PDE4D: variants seen among roughly 807,000 people sequenced by gnomAD.
PDE4D encodes 3',5'-cyclic-AMP phosphodiesterase 4D.
A neutral mutation model predicts 87.4 loss-of-function variants in PDE4D; 24 were observed. The observed-to-expected ratio is 0.27, with a 90% CI of 0.20 to 0.39. The LOEUF is 0.39. Ranked by LOEUF, PDE4D falls within the 10% of genes least tolerant of loss-of-function variation. The pLI, the probability that PDE4D is intolerant of heterozygous loss-of-function variation, is 1.00. For missense variants in PDE4D, 714 were observed against 1,041.0 expected (o/e 0.69, Z 4.32); for synonymous variants, 384 against 383.2 (o/e 1.00, Z -0.02).
intron 1 of PDE4D, among the ~76,000 whole-genome samples, chr5:59,287,994 G>A (rs1411940724): frequency 2.0e-5 from 3 of 151,896 alleles, no homozygotes; most frequent in Admixed American, 2.0e-4. Flanking sequence ...CACCAAGAAG[G>A]ACAGGTACAA....
chr5:59,650,901 T>C (rs1363256456), intron 1 of PDE4D, among the ~76,000 whole-genome samples: 2 of 152,158 alleles, frequency 1.3e-5, no homozygotes, highest in Admixed American at 1.3e-4. Context: ...CCCAAATGAA[T>C]GTGTTGTAGT....
At chr5:59,800,296 A>T (rs1443103253) in intron 1 of PDE4D, among the ~76,000 whole-genome samples, 2 of 152,124 alleles carry the variant, frequency 1.3e-5, no homozygotes, top group East Asian at 3.9e-4. Flanking sequence ...GAACTACAAA[A>T]GCTCGCAAAG....
chr5:60,446,365 A>G (rs1377924927), intron 1 of PDE4D, among the ~76,000 whole-genome samples: 10 of 152,182 alleles, frequency 6.6e-5, no homozygotes, highest in African/African-American at 2.4e-4. Flanking sequence ...TTTAAATTTC[A>G]TTGGCTAAGT....
chr5:60,511,817 T>A (rs942526737), intron 1 of PDE4D, among the ~76,000 whole-genome samples: 1 of 152,002 alleles, frequency 6.6e-6, no homozygotes, highest in Non-Finnish European at 1.5e-5. Flanking sequence ...AAATATCAAA[T>A]TTTTAAATAT....
chr5:59,629,708 C>T (rs1199787236), intron 1 of PDE4D, among the ~76,000 whole-genome samples: 1 of 152,188 alleles, frequency 6.6e-6, no homozygotes, highest in African/African-American at 2.4e-5. Flanking sequence ...CAAGTGGCAA[C>T]TTGATGAGGA....
chr5:59,697,347 G>T (rs1429594536), intron 1 of PDE4D, among the ~76,000 whole-genome samples: 2 of 152,124 alleles, frequency 1.3e-5, no homozygotes, highest in Non-Finnish European at 2.9e-5. Context: ...TATAAAAGAG[G>T]CACATAGAGG....
At chr5:58,988,007 G>A (rs1165028695) in intron 11 of PDE4D, among the ~76,000 whole-genome samples, 1 of 152,122 alleles carries the variant, frequency 6.6e-6, no homozygotes, top group East Asian at 1.9e-4. Flanking sequence ...AAAACCAAAT[G>A]GTTGAAAAAA....
At chr5:59,717,726 G>A (rs1462558997) in intron 1 of PDE4D, among the ~76,000 whole-genome samples, 1 of 152,170 alleles carries the variant, frequency 6.6e-6, no homozygotes, top group South Asian at 2.1e-4. Context: ...TTCCATTCCA[G>A]CTAGCACAGA....
chr5:59,234,321 G>A (rs1229006754), intron 1 of PDE4D, among the ~76,000 whole-genome samples: 3 of 151,022 alleles, frequency 2.0e-5, no homozygotes, highest in African/African-American at 7.3e-5. Flanking sequence ...TATAATCTTG[G>A]CTCCCATTTT....
chr5:59,618,740 T>TC (rs1281620329), intron 1 of PDE4D, among the ~76,000 whole-genome samples: 4 of 152,034 alleles, frequency 2.6e-5, no homozygotes, highest in African/African-American at 7.2e-5. Context: ...AAACTCATAT[T>TC]GAAATTTAAT....
At position 58,988,595 on chromosome 5, in the gene PDE4D, G is replaced by T; in HGVS notation, c.1453-3C>A. The T allele has an allele frequency of 7.0e-7, 1 of 1,425,702 alleles. No homozygotes were observed. The highest frequency in any genetic ancestry group is 9.5e-7 in the Non-Finnish European group (1 of 1,055,382). The allele number at this position is 1,425,702 out of a possible 1,614,324, so 88.3% of individuals were successfully genotyped here. On this transcript the variant is annotated splice_region_variant and splice_polypyrimidine_tract_variant and intron_variant, in intron 10 of 14. Coordinates refer to ENST00000340635, the MANE Select transcript of PDE4D (RefSeq NM_001104631.2). ...ATCTCCAAATCTGTAAACACAGCCT[G>T]GAAAATCAGACAATATAGATAATAT...
At chr5:59,984,316 C>T (rs1171393371) in intron 3 of PDE4D, among the ~76,000 whole-genome samples, 1 of 152,138 alleles carries the variant, frequency 6.6e-6, no homozygotes, top group East Asian at 1.9e-4. Flanking sequence ...ACGTTCATAA[C>T]ATTTCAAGTC....
chr5:59,564,039 C>G (rs1820488966), intron 1 of PDE4D, among the ~76,000 whole-genome samples: 1 of 152,174 alleles, frequency 6.6e-6, no homozygotes, highest in South Asian at 2.1e-4. Context: ...CAGGCTTTAG[C>G]TTCAGAGGGG....
intron 1 of PDE4D, among the ~76,000 whole-genome samples, chr5:60,307,388 T>C (rs1230738982): frequency 6.6e-6 from 1 of 152,150 alleles, no homozygotes; most frequent in Non-Finnish European, 1.5e-5. Context: ...GACACCAAAA[T>C]ATGTCTAGTG....
At chr5:59,672,233 G>A (rs942119536) in intron 1 of PDE4D, among the ~76,000 whole-genome samples, 2 of 152,150 alleles carry the variant, frequency 1.3e-5, no homozygotes, top group African/African-American at 4.8e-5. Flanking sequence ...TGCAACTGAA[G>A]GCCATTCTGA....
intron 5 of PDE4D, among the ~76,000 whole-genome samples, chr5:59,082,150 A>G (rs56407743): frequency 0.22 from 33,343 of 152,106 alleles, 4,554 homozygotes; most frequent in Middle Eastern, 0.35. Context: ...CAGCATGAGA[A>G]TGGCCTAATA....
intron 1 of PDE4D, among the ~76,000 whole-genome samples, chr5:59,649,904 CCTTTTT>C (rs369631538): frequency 0.032 from 2,338 of 73,956 alleles, 496 homozygotes; most frequent in African/African-American, 0.11. Flanking sequence ...AGTTTGTGAA[CCTTTTT>C]TTTTTTTTTT....
At chr5:59,645,402 T>C (rs1399385145) in intron 1 of PDE4D, among the ~76,000 whole-genome samples, 1 of 152,236 alleles carries the variant, frequency 6.6e-6, no homozygotes, top group Admixed American at 6.5e-5. Context: ...GTCTACGTAC[T>C]GATTTTGCCT....
intron 1 of PDE4D, chr5:60,459,881 CCCCTT>C: frequency 6.1e-6 from 4 of 654,240 alleles, no homozygotes; most frequent in Non-Finnish European, 1.1e-5. Flanking sequence ...TCTCCTTCCT[CCCCTT>C]CATCATCATC....
Sources: gnomAD v4.1 joint callset for allele counts (sites outside exome capture counted in the v4.1 genomes callset) on GRCh38, gnomAD v4.1.1 for gene constraint, MANE v1.5 for transcripts, NCBI Gene and HGNC (gene_info 2026-07-23, HGNC 2026-07-21) for gene names.